The following LRRK1 variants were observed in gnomAD, a reference collection of about 807,000 sequenced individuals.
The protein encoded by LRRK1 is leucine rich repeat kinase 1.
LRRK1 carries 113 observed loss-of-function variants against 209.1 expected under a neutral mutation model. The observed-to-expected ratio is 0.54, with a 90% CI of 0.46 to 0.63. The LOEUF (loss-of-function observed/expected upper bound fraction) is 0.63. LRRK1 is among the 30% of genes least tolerant of loss of function. The probability of loss-of-function intolerance (pLI) is 0.00; values close to 1 mark genes in which losing one functional copy is unlikely to be tolerated. For missense variants in LRRK1, 2,284 were observed against 2,632.2 expected (o/e 0.87, Z 2.89); for synonymous variants, 1,144 against 1,099.7 (o/e 1.04, Z -0.80).
At chr15:100,961,391 A>G (rs917095238) in intron 2 of LRRK1, among the ~76,000 whole-genome samples, 12 of 152,190 alleles carry the variant, frequency 7.9e-5, no homozygotes, top group Admixed American at 1.3e-4. Context: ...GCGGTGGCTC[A>G]CGCCTGTAAT....
chr15:101,044,598 C>T (rs2034952256), intron 20 of LRRK1, among the ~76,000 whole-genome samples: 1 of 152,222 alleles, frequency 6.6e-6, no homozygotes, highest in Non-Finnish European at 1.5e-5. Context: ...TGCCATGTCA[C>T]CTTCTAAACC....
chr15:100,934,626 CAA>C (rs71151991), intron 2 of LRRK1, among the ~76,000 whole-genome samples: 10,321 of 70,844 alleles, frequency 0.15, 260 homozygotes, highest in South Asian at 0.22. Context: ...CCCATCTCTA[CAA>C]AAAAAAAAAA....
At chr15:100,994,422 G>A (rs1434571973) in intron 6 of LRRK1, among the ~76,000 whole-genome samples, 2 of 152,194 alleles carry the variant, frequency 1.3e-5, no homozygotes, top group Admixed American at 1.3e-4. Context: ...AAATTCTCCA[G>A]GTGATTCCAA....
At chr15:101,059,071 C>T (rs963206868) in intron 29 of LRRK1, among the ~76,000 whole-genome samples, 1 of 152,134 alleles carries the variant, frequency 6.6e-6, no homozygotes. Context: ...GTGACACAGA[C>T]GTACTCTAAG....
At chr15:100,926,719 C>G (rs1175487028) in intron 2 of LRRK1, among the ~76,000 whole-genome samples, 11 of 104,210 alleles carry the variant, frequency 1.1e-4, no homozygotes, top group African/African-American at 4.1e-4. Context: ...GTGTCTTGCT[C>G]TGTCACCCAG....
intron 3 of LRRK1, among the ~76,000 whole-genome samples, chr15:100,978,985 A>C (rs535821327): frequency 1.5e-4 from 23 of 152,336 alleles, no homozygotes; most frequent in African/African-American, 5.0e-4. Flanking sequence ...GGATGCAAAA[A>C]TTCTTCACAA....
rs74334197 is a variant in LRRK1, at chr15:101,068,519, G to A, written c.5871-152G>A. 925 of 675,942 alleles carry A rather than the reference G, an allele frequency of 1.4e-3. 9 individuals are homozygous for A. In the African/African-American group the frequency reaches 0.015, roughly 11 times the overall value. The allele number at this position is 675,942 out of a possible 1,614,324, so 41.9% of individuals were successfully genotyped here. ...AGGCTGGCCACTGGGGAGAAGTGGT[G>A]CATCTCAGCACACCCCAGAGAGGGC... On this transcript the variant is annotated intron_variant, in intron 33 of 33. Transcript: ENST00000388948.
At position 101,051,706 on chromosome 15, in the gene LRRK1, T is replaced by G; in HGVS notation, c.3440-5T>G. 6.2e-7 allele frequency: 1 copy of G among 1,613,394 alleles called. No individual in the cohort carries two copies. ...GAAGCTGTCTCCTGCTCTGTCCTTA[T>G]TTAGCCCTGACAGCCACAGAGAGCG... is the stretch of plus-strand genomic sequence containing the variant. On this transcript the variant is annotated splice_region_variant and splice_polypyrimidine_tract_variant and intron_variant, in intron 23 of 33. Coordinates refer to ENST00000388948, the MANE Select transcript of LRRK1 (RefSeq NM_024652.6).
intron 2 of LRRK1, among the ~76,000 whole-genome samples, chr15:100,950,064 A>G (rs530514491): frequency 6.6e-6 from 1 of 152,356 alleles, no homozygotes; most frequent in East Asian, 1.9e-4. Context: ...GAGAGGTAAA[A>G]CTATATTTTC....
At chr15:101,028,852 C>G (rs934779968) in intron 19 of LRRK1, 104 bp from the exon 20 acceptor site, 36 of 1,253,026 alleles carry the variant, frequency 2.9e-5, no homozygotes, top group Admixed American at 1.3e-4. Flanking sequence ...GGTTTCTTCT[C>G]AGGAATAATT....
In LRRK1 at chr15:101,027,758, C is replaced by T. The variant is rs752784877; in HGVS notation, c.2647C>T (p.Pro883Ser). ...GCTGGAGCAGCTGGTGGAGCAGACGCCCGACAACGACATCAAGGACTACGA... is the reference window on the plus strand; with the variant it reads ...GCTGGAGCAGCTGGTGGAGCAGACGTCCGACAACGACATCAAGGACTACGA... ...RQLEQLVEQT[P>S]DNDIKDYEDL... The change falls in exon 19 of 34, where the codon CCC (proline) becomes TCC (serine). Residue 883 changes from proline (P) to serine (S), a missense_variant. Physicochemically the swap from Pro to Ser is moderately conservative, Grantham distance 74. This residue lies in a region of LRRK1 where 780 missense variants were observed against 985.2 expected (regional missense o/e 0.79). Coordinates refer to ENST00000388948, the MANE Select transcript of LRRK1 (RefSeq NM_024652.6). The surrounding 1 kb of genome is among the most constrained non-coding windows in gnomAD (Gnocchi z 5.1). 1.5e-5 allele frequency: 24 copies of T among 1,602,396 alleles called. No individual in the cohort carries two copies. In the South Asian group the frequency reaches 2.2e-4, roughly 15 times the overall value.
chr15:101,016,516 T>A (rs1231744125), intron 12 of LRRK1, among the ~76,000 whole-genome samples: 2 of 152,028 alleles, frequency 1.3e-5, no homozygotes, highest in East Asian at 1.9e-4. Flanking sequence ...AATCTCATCA[T>A]AAGGGCCCCA....
chr15:101,014,929 C>T (rs983709927), intron 11 of LRRK1, among the ~76,000 whole-genome samples: 3 of 152,230 alleles, frequency 2.0e-5, no homozygotes, highest in African/African-American at 4.8e-5. Context: ...TCTTGTCTCT[C>T]ACTTCAGCCC....
chr15:100,992,763 G>A (rs1967374), intron 6 of LRRK1, among the ~76,000 whole-genome samples: 60,354 of 151,902 alleles, frequency 0.4, 12,060 homozygotes, highest in East Asian at 0.52. Context: ...CCACCTCCCG[G>A]GTCCAAGCAA....
rs1394263559 is a variant in LRRK1 at position 101,024,175 on chromosome 15, C to T, written c.2068-628C>T. On this transcript the variant is annotated intron_variant, in intron 15 of 33. Coordinates refer to ENST00000388948, the MANE Select transcript of LRRK1 (RefSeq NM_024652.6). The surrounding 1 kb of genome is among the most constrained non-coding windows in gnomAD (Gnocchi z 4.6). ...AGCTGTTTTCATCTTTATACAAAAC[C>T]AGGTCAGCACACTGTGTCTTGGAGG... Among the ~76,000 whole-genome samples, 1 of 152,206 alleles carries T rather than the reference C, an allele frequency of 6.6e-6. No individual in the cohort carries two copies. The highest frequency in any genetic ancestry group is 1.5e-5 in the Non-Finnish European group (1 of 68,042).
intron 20 of LRRK1, among the ~76,000 whole-genome samples, chr15:101,030,978 T>A (rs561864733): frequency 2.6e-5 from 4 of 152,236 alleles, no homozygotes; most frequent in Admixed American, 6.5e-5. Context: ...ACAGCTTAGC[T>A]CTCACATATC....
chr15:101,014,175 CA>C (rs2033420560), intron 10 of LRRK1, 140 bp from the exon 11 acceptor site: 2 of 653,402 alleles, frequency 3.1e-6, no homozygotes, highest in African/African-American at 3.6e-5. Flanking sequence ...CTGGGCCCCA[CA>C]CAGCTGGGAT....
chr15:100,992,582 TTTTG>T (rs1164647426), intron 6 of LRRK1, among the ~76,000 whole-genome samples: 1 of 152,162 alleles, frequency 6.6e-6, no homozygotes, highest in Non-Finnish European at 1.5e-5. Context: ...AAATTACTTG[TTTTG>T]TTTGTTATTT....
intron 19 of LRRK1, 114 bp from the exon 20 acceptor site, chr15:101,028,842 G>T: frequency 1.8e-6 from 2 of 1,137,696 alleles, no homozygotes; most frequent in Non-Finnish European, 2.5e-6. Flanking sequence ...GGGACATGTT[G>T]GTTTCTTCTC....
Sources: allele counts gnomAD v4.1 joint callset (sites outside exome capture counted in the v4.1 genomes callset), GRCh38; gene constraint gnomAD v4.1.1; regional missense constraint gnomAD v4.1.1; non-coding constraint Gnocchi (gnomAD v3.1); transcripts MANE v1.5; gene names NCBI Gene and HGNC (gene_info 2026-07-23, HGNC 2026-07-21).